Variants in PHTF1 observed in about 807,000 individuals in gnomAD.
PHTF1 encodes the protein protein PHTF1.
Under a neutral mutation model 102.4 loss-of-function variants are expected in PHTF1, and 88 were observed. The ratio of observed to expected loss-of-function variants is 0.86; its 90% CI spans 0.72 to 1.03. The LOEUF is 1.03. PHTF1 is among the 50% of genes least tolerant of loss of function. The probability of loss-of-function intolerance (pLI) is 0.00; values close to 1 mark genes in which losing one functional copy is unlikely to be tolerated. For missense variants in PHTF1, 814 were observed against 909.5 expected (o/e 0.89, Z 1.35); for synonymous variants, 289 against 305.2 (o/e 0.95, Z 0.55).
intron 3 of PHTF1, among the ~76,000 whole-genome samples, chr1:113,751,235 G>C (rs557987060): frequency 1.3e-5 from 2 of 152,054 alleles, no homozygotes; most frequent in African/African-American, 4.8e-5. Flanking sequence ...CTTTATTGAG[G>C]TATAATTTAC....
chr1:113,738,209 G>C lies in PHTF1; in HGVS notation c.232C>G (p.Leu78Val), dbSNP rs1470108278. ...AATGGAAAAAATACAACTCGAACAA[G>C]CCCCTTCCGAGTCAGAGATGTCCAT... ...IPWTSLTRKGLVRVVFFPLFS... is the reference protein window; with the variant it reads ...IPWTSLTRKGVVRVVFFPLFS... The change falls in exon 5 of 19, where the codon CTT becomes GTT. Residue 78 changes from leucine (L) to valine (V), a missense_variant. Coordinates refer to ENST00000369604, the MANE Select transcript of PHTF1 (RefSeq NM_001323043.2). 6.2e-7 allele frequency: 1 copy of C among 1,613,528 alleles called. No homozygotes were observed. Among genetic ancestry groups the C allele is most frequent in the Non-Finnish European group, 8.5e-7 (1 of 1,179,526 alleles).
Position 113,710,238 on chromosome 1 carries a change from T to C in PHTF1, c.1269+16A>G. 1 of 1,581,104 alleles carries C rather than the reference T, an allele frequency of 6.3e-7. No homozygotes were observed. Among genetic ancestry groups the C allele is most frequent in the Admixed American group, 1.7e-5 (1 of 59,964 alleles). On this transcript the variant is annotated intron_variant, in intron 11 of 18. Coordinates refer to ENST00000369604, the MANE Select transcript of PHTF1 (RefSeq NM_001323043.2). ...ACACAATAAATACTAGCTATTCTTATCATGTCTGCACAGACCTGCTGAAAA... is the reference window on the plus strand; with the variant it reads ...ACACAATAAATACTAGCTATTCTTACCATGTCTGCACAGACCTGCTGAAAA...
intron 3 of PHTF1, chr1:113,749,720 C>T (rs1336261474): frequency 6.6e-6 from 1 of 152,194 alleles, no homozygotes; most frequent in African/African-American, 2.4e-5. Flanking sequence ...ACAGATTATA[C>T]CTGATACATC....
chr1:113,731,144 T>G (rs1322213216), intron 5 of PHTF1, among the ~76,000 whole-genome samples: 3 of 152,036 alleles, frequency 2.0e-5, no homozygotes, highest in African/African-American at 4.8e-5. Context: ...CACTGAGAAA[T>G]GGTTAAGATG....
At chr1:113,721,848 C>A (rs944224847) in intron 7 of PHTF1, among the ~76,000 whole-genome samples, 7 of 151,812 alleles carry the variant, frequency 4.6e-5, no homozygotes, top group African/African-American at 1.7e-4. Context: ...CGCCACCACG[C>A]CCGGCTAATT....
rs1650265124 is a variant in PHTF1 at position 113,706,807 on chromosome 1, AC to A, written c.1270-86del. 6.7e-6 allele frequency: 6 copies of A among 889,540 alleles called. No homozygotes were observed. The South Asian group carries it at 1.1e-4, about 16-fold the overall frequency. 55.1% of individuals were successfully genotyped at this position (889,540 alleles called of 1,614,324 possible). ...TTTCCCAGGCTCCATTCATTTGCCA[AC>A]ACTCTAATAACCACCTCTATAATGC... is the stretch of plus-strand genomic sequence containing the variant. On this transcript the variant is annotated intron_variant, in intron 11 of 18. Coordinates refer to ENST00000369604, the MANE Select transcript of PHTF1 (RefSeq NM_001323043.2).
chr1:113,722,963 TAA>T (rs200817078), intron 7 of PHTF1, among the ~76,000 whole-genome samples: 18 of 143,286 alleles, frequency 1.3e-4, no homozygotes, highest in African/African-American at 3.9e-4. Context: ...AATAAATAAA[TAA>T]AAATAAAAAT....
intron 16 of PHTF1, 79 bp from the exon 17 acceptor site, chr1:113,699,878 G>A (rs924440618): frequency 1.4e-6 from 1 of 710,260 alleles, no homozygotes; most frequent in African/African-American, 1.8e-5. Context: ...ATATTTCAAA[G>A]GTCATGTTTT....
At position 113,715,686 on chromosome 1, in the gene PHTF1, T is replaced by A. The variant is rs1186535314; in HGVS notation, c.624-2248A>T. 4.4e-5 allele frequency among the ~76,000 whole-genome samples: 4 copies of A among 91,086 alleles called. No homozygotes were observed. In the East Asian group the frequency reaches 1.1e-3, roughly 26 times the overall value. The allele number at this position is 91,086 out of a possible 152,430, so 59.8% of individuals were successfully genotyped here. ...AAAAAAAAAAAAAAAAAAAAGCTAT[T>A]TTGAGGAAACTCAAACAAATTCAAG... On this transcript the variant is annotated intron_variant, in intron 7 of 18. Transcript: ENST00000369604.
At chr1:113,751,656 C>T (rs1658097490) in intron 3 of PHTF1, among the ~76,000 whole-genome samples, 1 of 152,124 alleles carries the variant, frequency 6.6e-6, no homozygotes, top group Admixed American at 6.5e-5. Context: ...AATAGTGCTG[C>T]TATGAACATT....
rs759693099 is a variant in PHTF1 at position 113,712,010 on chromosome 1, C to T, written c.887G>A (p.Gly296Glu). The change falls in exon 9 of 19, where the codon GGG (glycine) becomes GAG (glutamate). Residue 296 changes from glycine (G) to glutamate (E), a missense_variant. Physicochemically the swap from Gly to Glu is moderately conservative, Grantham distance 98. Transcript: ENST00000369604. ...QMILLRRSVE[G>E]ASSDNGCEVK... ...TTCACAACCATTGTCACTTGAGGCC[C>T]CTTCCACACTCCTACGCAATAATAT... 3 of 1,613,756 alleles carry T rather than the reference C, an allele frequency of 1.9e-6. No individual in the cohort carries two copies. Among genetic ancestry groups the T allele is most frequent in the Non-Finnish European group, 2.5e-6 (3 of 1,179,824 alleles).
intron 7 of PHTF1, among the ~76,000 whole-genome samples, chr1:113,718,275 G>A (rs930554232): frequency 2.6e-5 from 4 of 152,172 alleles, no homozygotes; most frequent in African/African-American, 9.6e-5. Context: ...ACACATCCAG[G>A]TCACGCTGAT....
intron 16 of PHTF1, chr1:113,700,000 T>C: frequency 1.1e-6 from 1 of 893,986 alleles, no homozygotes; most frequent in Non-Finnish European, 1.5e-6. Context: ...AACTATTTAG[T>C]GATGAAAAAT....
In PHTF1 at chr1:113,704,810, T is replaced by TA; in HGVS notation, c.1672-14dup. 3.4e-5 allele frequency: 53 copies of TA among 1,549,236 alleles called. No individual in the cohort carries two copies. The highest frequency in any genetic ancestry group is 6.8e-5 in the East Asian group (3 of 44,272). The stretch of plus-strand genomic sequence containing the variant: ...CAAATAAAAATCTCTAGAAGAGATT[T>TA]AAAAAAAATCACAGTGAAATGTATG... On this transcript the variant is annotated splice_polypyrimidine_tract_variant and intron_variant, in intron 13 of 18. Coordinates refer to ENST00000369604, the MANE Select transcript of PHTF1 (RefSeq NM_001323043.2).
At chr1:113,757,285 G>T (rs1214897866) in intron 3 of PHTF1, among the ~76,000 whole-genome samples, 1 of 152,188 alleles carries the variant, frequency 6.6e-6, no homozygotes, top group African/African-American at 2.4e-5. Flanking sequence ...GCTTGCAAAG[G>T]AGGAGGAGGA....
chr1:113,723,145 C>T (rs575107991), intron 7 of PHTF1, among the ~76,000 whole-genome samples: 28 of 151,180 alleles, frequency 1.9e-4, no homozygotes, highest in South Asian at 1.3e-3. Context: ...ATTGAGAATC[C>T]GGAAATAGAT....
At chr1:113,700,185 C>T in intron 16 of PHTF1, 1 of 952,768 alleles carries the variant, frequency 1.0e-6, no homozygotes, top group Non-Finnish European at 1.3e-6. Context: ...GAAGATAGCT[C>T]CTTTTACTTT....
Position 113,697,621 on chromosome 1 carries a change from A to T in PHTF1, c.*84T>A. ...TGTGCATGTGAACAAGCAGGTGGGT[A>T]TCTCACTGGTTTCTGCAGTCATCAC... On this transcript the variant is annotated 3_prime_UTR_variant, in exon 19 of 19. Transcript: ENST00000369604. The T allele has an allele frequency of 2.2e-6, 2 of 927,772 alleles. No individual in the cohort carries two copies. Among genetic ancestry groups the T allele is most frequent in the Non-Finnish European group, 3.5e-6 (2 of 563,872 alleles). The allele number at this position is 927,772 out of a possible 1,614,324, so 57.5% of individuals were successfully genotyped here. A position where few individuals can be genotyped will look rare whatever the true frequency, so the allele number is the denominator to read the frequency against.
intron 3 of PHTF1, among the ~76,000 whole-genome samples, chr1:113,745,195 G>C (rs181235292): frequency 1.2e-4 from 18 of 152,234 alleles, no homozygotes; most frequent in Admixed American, 1.2e-3. Flanking sequence ...TGTGAGATGA[G>C]AAGAAGCCAT....
Sources: gnomAD v4.1 joint callset for allele counts (sites outside exome capture counted in the v4.1 genomes callset) on GRCh38, gnomAD v4.1.1 for gene constraint, MANE v1.5 for transcripts, NCBI Gene and HGNC (gene_info 2026-07-23, HGNC 2026-07-21) for gene names.